Variants in SHANK2 observed in about 807,000 individuals in gnomAD.
The protein encoded by SHANK2 is SH3 and multiple ankyrin repeat domains protein 2.
A neutral mutation model predicts 133.7 loss-of-function variants in SHANK2; 43 were observed. The observed-to-expected ratio is 0.32, with a 90% CI of 0.25 to 0.41. SHANK2 has a LOEUF of 0.41. SHANK2 is among the 10% of genes least tolerant of loss of function. The pLI is 1.00. For missense variants in SHANK2, 1,994 were observed against 2,235.8 expected, an observed-to-expected ratio of 0.89 and a Z score of 2.18; for synonymous variants, 1,017 against 952.8, an observed-to-expected ratio of 1.07 and a Z score of -1.24.
chr11:70,711,193 T>C (rs1214133690), intron 14 of SHANK2, among the ~76,000 whole-genome samples: 1 of 152,164 alleles, frequency 6.6e-6, no homozygotes, highest in Admixed American at 6.5e-5. Flanking sequence ...CTGGTTGTGA[T>C]TGCTGAGCTC....
At chr11:71,116,838 C>CTCG (rs1951989251) in intron 4 of SHANK2, among the ~76,000 whole-genome samples, 1 of 152,102 alleles carries the variant, frequency 6.6e-6, no homozygotes, top group Admixed American at 6.6e-5. Context: ...AGGAACTACT[C>CTCG]CTCCCCTGCT....
rs36059683 is a variant in SHANK2 at position 70,772,439 on chromosome 11, C to CA, written c.1777+26003dup. Among the ~76,000 whole-genome samples the CA allele has an allele frequency of 3.1e-3, 426 of 136,626 alleles. 1 individual carries two copies. The highest frequency in any genetic ancestry group is 0.011 in the African/African-American group (401 of 37,256). 89.6% of individuals were successfully genotyped at this position (136,626 alleles called of 152,430 possible). ...TGGGCAATAGAGCAAGACTCTGTCTCAAAAAAAAAAAAAAAAGTATATTAT... is the reference window on the plus strand; with the variant it reads ...TGGGCAATAGAGCAAGACTCTGTCTCAAAAAAAAAAAAAAAAAGTATATTAT... On this transcript the variant is annotated intron_variant, in intron 14 of 25. Coordinates refer to ENST00000601538, the MANE Select transcript of SHANK2 (RefSeq NM_012309.5).
chr11:70,769,970 G>A (rs1412161290), intron 14 of SHANK2, among the ~76,000 whole-genome samples: 2 of 152,184 alleles, frequency 1.3e-5, no homozygotes, highest in African/African-American at 2.4e-5. Flanking sequence ...ATCTTCCTCC[G>A]CCATCTCCTA....
intron 11 of SHANK2, among the ~76,000 whole-genome samples, chr11:70,876,019 G>A (rs1479844927): frequency 6.6e-6 from 1 of 151,902 alleles, no homozygotes; most frequent in Non-Finnish European, 1.5e-5. Context: ...AGCCAGGTGT[G>A]GTGGTGCATG....
chr11:70,765,691 C>T (rs2135010453), intron 14 of SHANK2, among the ~76,000 whole-genome samples: 1 of 152,300 alleles, frequency 6.6e-6, no homozygotes, highest in African/African-American at 2.4e-5. Context: ...CCATGAGGCT[C>T]TGAAATCCCC....
chr11:71,187,150 T>C (rs1953691222), intron 2 of SHANK2, among the ~76,000 whole-genome samples: 1 of 152,192 alleles, frequency 6.6e-6, no homozygotes, highest in Non-Finnish European at 1.5e-5. Context: ...GCTGTCTTAA[T>C]TAAAGACTGC....
In SHANK2 at chr11:71,109,415, G is replaced by A. The variant is rs187137991; in HGVS notation, c.592+526C>T. Among the ~76,000 whole-genome samples the A allele has an allele frequency of 2.3e-3, 346 of 152,306 alleles. 1 individual carries two copies. The highest frequency in any genetic ancestry group is 7.7e-3 in the African/African-American group (322 of 41,564). On this transcript the variant is annotated intron_variant, in intron 6 of 25. Coordinates refer to ENST00000601538, the MANE Select transcript of SHANK2 (RefSeq NM_012309.5). Reference sequence around the variant, plus strand: ...GAACCCTGTGATACATAGGATGGCCGCGCTGCAAAGACTCACACACTCGTG... The same window carrying A: ...GAACCCTGTGATACATAGGATGGCCACGCTGCAAAGACTCACACACTCGTG...
chr11:70,488,311 C>T (rs1452376007), intron 24 of SHANK2, among the ~76,000 whole-genome samples: 3 of 152,170 alleles, frequency 2.0e-5, no homozygotes, highest in African/African-American at 7.2e-5. Flanking sequence ...TGCAGTCCAC[C>T]GTCCAGATGG....
intron 17 of SHANK2, among the ~76,000 whole-genome samples, chr11:70,645,418 C>A (rs1443079833): frequency 6.6e-6 from 1 of 151,844 alleles, no homozygotes; most frequent in East Asian, 1.9e-4. Flanking sequence ...ACAACAACAA[C>A]AAAAACAAAA....
chr11:70,875,160 G>A (rs953170690), intron 11 of SHANK2, among the ~76,000 whole-genome samples: 1 of 152,140 alleles, frequency 6.6e-6, no homozygotes, highest in South Asian at 2.1e-4. Context: ...GGGACATGGT[G>A]ATCATTAAAA....
chr11:70,502,087 C>T, intron 19 of SHANK2, 119 bp downstream of exon 19: 2 of 1,330,102 alleles, frequency 1.5e-6, no homozygotes, highest in Non-Finnish European at 2.1e-6. Flanking sequence ...CGTCTGGGTA[C>T]AGGGGCAGGA....
intron 10 of SHANK2, among the ~76,000 whole-genome samples, chr11:70,908,659 C>T (rs148571747): frequency 2.4e-4 from 36 of 152,280 alleles, no homozygotes; most frequent in East Asian, 1.7e-3. Context: ...AGAGCTGCAC[C>T]GACATTGGCA....
intron 11 of SHANK2, among the ~76,000 whole-genome samples, chr11:70,845,193 T>C (rs1391276758): frequency 9.4e-5 from 10 of 106,744 alleles, no homozygotes; most frequent in African/African-American, 4.2e-4. Context: ...AGCAAGACTC[T>C]GTCTCAAAAA....
Position 70,565,406 on chromosome 11 carries a change from C to T in SHANK2, c.2062-62475G>A, listed in dbSNP as rs570200962. Reference sequence around the variant, plus strand: ...GATTACAGGCGCGTGCCACCATGCCCGGCTAATTTTTGTATTTTTGTAGTA... The same window carrying T: ...GATTACAGGCGCGTGCCACCATGCCTGGCTAATTTTTGTATTTTTGTAGTA... On this transcript the variant is annotated intron_variant, in intron 17 of 25. Transcript: ENST00000601538. 5.3e-5 allele frequency among the ~76,000 whole-genome samples: 8 copies of T among 152,266 alleles called. No individual in the cohort carries two copies. In the East Asian group the frequency reaches 5.8e-4, roughly 11 times the overall value.
intron 13 of SHANK2, among the ~76,000 whole-genome samples, chr11:70,802,889 C>G (rs543044662): frequency 4.9e-4 from 74 of 152,286 alleles, no homozygotes; most frequent in African/African-American, 1.8e-3. Context: ...TAGGCCTCAC[C>G]CATGGCCACG....
chr11:70,615,878 C>G (rs782732466), intron 17 of SHANK2, among the ~76,000 whole-genome samples: 3 of 152,156 alleles, frequency 2.0e-5, no homozygotes, highest in Non-Finnish European at 2.9e-5. Flanking sequence ...CTCTGTGGCT[C>G]TTACATCCTC....
chr11:70,602,073 G>A (rs367948559), intron 17 of SHANK2, among the ~76,000 whole-genome samples: 57 of 152,346 alleles, frequency 3.7e-4, no homozygotes, highest in African/African-American at 1.3e-3. Flanking sequence ...CCTTGCAATA[G>A]TGAGTGAGTT....
At chr11:71,109,712 A>G (rs1330157796) in intron 6 of SHANK2, among the ~76,000 whole-genome samples, 1 of 152,256 alleles carries the variant, frequency 6.6e-6, no homozygotes, top group African/African-American at 2.4e-5. Context: ...TGCACTGAAC[A>G]CCTGCCGTGC....
chr11:71,220,894 G>A (rs116427351), intron 2 of SHANK2, among the ~76,000 whole-genome samples: 13 of 152,142 alleles, frequency 8.5e-5, no homozygotes, highest in African/African-American at 3.1e-4. Context: ...CCACTGAATG[G>A]CACACTTTAA....
Sources: allele counts gnomAD v4.1 joint callset (sites outside exome capture counted in the v4.1 genomes callset), GRCh38; gene constraint gnomAD v4.1.1; transcripts MANE v1.5; gene names NCBI Gene and HGNC (gene_info 2026-07-23, HGNC 2026-07-21).